Variants in BAD observed in about 807,000 individuals in gnomAD.
The protein encoded by BAD is bcl2-associated agonist of cell death.
BAD carries 18 observed loss-of-function variants against 17.8 expected under a neutral mutation model. That is an observed-to-expected ratio of 1.01 (90% confidence interval 0.70 to 1.50). The LOEUF is 1.50. Ranked by LOEUF, BAD falls within the 40% of genes most tolerant of loss-of-function variation. The pLI, the probability that BAD is intolerant of heterozygous loss-of-function variation, is 0.00. For missense variants in BAD, 294 were observed against 239.3 expected, an observed-to-expected ratio of 1.23 and a Z score of -1.51; for synonymous variants, 112 against 91.5, an observed-to-expected ratio of 1.22 and a Z score of -1.28.
chr11:64,270,898 G>GAC (rs1491175311), intron 3 of BAD, among the ~76,000 whole-genome samples: 5,586 of 86,502 alleles, frequency 0.065, 777 homozygotes, highest in Non-Finnish European at 0.099. Flanking sequence ...CATGCCCTGT[G>GAC]AGACACACAC....
intron 2 of BAD, among the ~76,000 whole-genome samples, chr11:64,272,042 T>G (rs1282605274): frequency 2.0e-5 from 3 of 152,124 alleles, no homozygotes; most frequent in African/African-American, 7.2e-5. Flanking sequence ...CGAGTGCCAA[T>G]AATGGGTGAG....
intron 2 of BAD, among the ~76,000 whole-genome samples, chr11:64,282,541 C>A (rs558850521): frequency 6.7e-6 from 1 of 149,548 alleles, no homozygotes; most frequent in Admixed American, 6.7e-5. Flanking sequence ...TTGAGGCCTG[C>A]CTGGGCAACA....
intron 2 of BAD, among the ~76,000 whole-genome samples, chr11:64,274,200 A>ACCC (rs1488912486): frequency 2.4e-4 from 35 of 147,974 alleles, no homozygotes; most frequent in Non-Finnish European, 3.3e-4. Context: ...AGACCATCCT[A>ACCC]ACACGGTGAA....
At chr11:64,279,492 C>T (rs1419180912) in intron 2 of BAD, among the ~76,000 whole-genome samples, 2 of 152,232 alleles carry the variant, frequency 1.3e-5, no homozygotes, top group East Asian at 1.9e-4. Flanking sequence ...AGCGGCCAGA[C>T]GCGGTGGCTC....
chr11:64,280,051 C>T (rs980616826), intron 2 of BAD, among the ~76,000 whole-genome samples: 1 of 151,774 alleles, frequency 6.6e-6, no homozygotes, highest in Non-Finnish European at 1.5e-5. Flanking sequence ...GGCGCGGTGG[C>T]TCACGCCTGT....
At chr11:64,270,466 G>T in intron 3 of BAD, 129 bp from the exon 4 acceptor site, 1 of 1,317,810 alleles carries the variant, frequency 7.6e-7, no homozygotes, top group Non-Finnish European at 1.0e-6. Flanking sequence ...CTCCCAGGAG[G>T]CTCCACGCCG....
chr11:64,270,977 C>T (rs1262450958), intron 3 of BAD, among the ~76,000 whole-genome samples: 1 of 9,734 alleles, frequency 1.0e-4, no homozygotes, highest in Admixed American at 1.8e-3. Flanking sequence ...TGCCCTGTGA[C>T]ACACACACAC....
intron 2 of BAD, among the ~76,000 whole-genome samples, chr11:64,274,223 C>T (rs946943193): frequency 6.7e-6 from 1 of 150,120 alleles, no homozygotes; most frequent in African/African-American, 2.5e-5. Context: ...CCCATCTGTA[C>T]TAAAAGTACA....
At chr11:64,282,148 C>T (rs1167337757) in intron 2 of BAD, among the ~76,000 whole-genome samples, 2 of 152,200 alleles carry the variant, frequency 1.3e-5, no homozygotes, top group Non-Finnish European at 1.5e-5. Flanking sequence ...GGATTCCTGA[C>T]GCTTGGGTTC....
Position 64,270,285 on chromosome 11 carries a change from C to T in BAD, c.431G>A (p.Ser144Asn). ...CTGGAAGACTCGCGTCCAGCTGGAGCTTTGCCGCATCTGCGTTGCTGTGCC... is the reference window on the plus strand; with the variant it reads ...CTGGAAGACTCGCGTCCAGCTGGAGTTTTGCCGCATCTGCGTTGCTGTGCC... ...SAGTATQMRQ[S>N]SSWTRVFQSW... is the part of the protein sequence containing the mutation. The change falls in exon 4 of 4, where the codon AGC becomes AAC. Residue 144 changes from serine to asparagine, a missense_variant. Transcript: ENST00000309032. The T allele has an allele frequency of 6.3e-7, 1 of 1,587,052 alleles. No individual in the cohort carries two copies. Among genetic ancestry groups the T allele is most frequent in the Non-Finnish European group, 8.6e-7 (1 of 1,161,386 alleles).
At chr11:64,270,412 C>T (rs1328906382) in intron 3 of BAD, 75 bp from the exon 4 acceptor site, 5 of 1,471,228 alleles carry the variant, frequency 3.4e-6, no homozygotes, top group Non-Finnish European at 4.5e-6. Context: ...CTTCCGTGAG[C>T]CTTCCTCTAA....
chr11:64,272,080 A>G (rs1225453388), intron 2 of BAD, among the ~76,000 whole-genome samples: 2 of 152,246 alleles, frequency 1.3e-5, no homozygotes, highest in Non-Finnish European at 2.9e-5. Context: ...AAATAAGGGC[A>G]TAAGAAATAC....
At chr11:64,272,558 T>G (rs1440177248) in intron 2 of BAD, among the ~76,000 whole-genome samples, 1 of 152,212 alleles carries the variant, frequency 6.6e-6, no homozygotes, top group African/African-American at 2.4e-5. Flanking sequence ...CAGAGCCTTC[T>G]CTGGAGACAG....
Position 64,270,178 on chromosome 11 carries a change from A to G in BAD, c.*31T>C. The G allele has an allele frequency of 6.2e-7, 1 of 1,613,902 alleles. No individual in the cohort carries two copies. The highest frequency in any genetic ancestry group is 8.5e-7 in the Non-Finnish European group (1 of 1,179,924). On this transcript the variant is annotated 3_prime_UTR_variant, in exon 4 of 4. Transcript: ENST00000309032. The stretch of plus-strand genomic sequence containing the variant: ...AAGATGGCTGCCCAGGGCAGTGGGA[A>G]CGGGTGGAGTTTCGGGATGTGGAGC...
chr11:64,271,479 AG>A (rs1392671752), intron 3 of BAD, 133 bp downstream of exon 3: 1 of 890,488 alleles, frequency 1.1e-6, no homozygotes, highest in Non-Finnish European at 1.5e-6. Flanking sequence ...CTCTGGAGCT[AG>A]GAAGGAACAG....
intron 2 of BAD, chr11:64,272,607 T>C (rs1040686117): frequency 3.3e-5 from 5 of 152,242 alleles, no homozygotes; most frequent in African/African-American, 4.8e-5. Context: ...CCATTGATGG[T>C]GCACTTACGT....
At chr11:64,283,248 T>C (rs994766105) in intron 2 of BAD, among the ~76,000 whole-genome samples, 1 of 152,226 alleles carries the variant, frequency 6.6e-6, no homozygotes. Context: ...TTTTTAGAGA[T>C]GGGGTCTGGC....
At chr11:64,276,685 G>A in intron 2 of BAD, 1 of 536,386 alleles carries the variant, frequency 1.9e-6, no homozygotes, top group Non-Finnish European at 3.3e-6. Context: ...GGGAGTGTCT[G>A]TGAATTCCCT....
intron 2 of BAD, among the ~76,000 whole-genome samples, chr11:64,282,054 T>C (rs1485564674): frequency 2.6e-5 from 4 of 152,126 alleles, no homozygotes; most frequent in Non-Finnish European, 5.9e-5. Context: ...CCCATACAAA[T>C]CTTCTCACGC....
Sources: allele counts gnomAD v4.1 joint callset (sites outside exome capture counted in the v4.1 genomes callset), GRCh38; gene constraint gnomAD v4.1.1; transcripts MANE v1.5; gene names NCBI Gene and HGNC (gene_info 2026-07-23, HGNC 2026-07-21).